The following RABL6 variants were observed in gnomAD, a reference collection of about 807,000 sequenced individuals.
The protein encoded by RABL6 is rab-like protein 6.
In RABL6, 28 loss-of-function variants were observed where a neutral mutation model predicts 72.9. That is an observed-to-expected ratio of 0.38 (90% confidence interval 0.28 to 0.53). The LOEUF (loss-of-function observed/expected upper bound fraction) is 0.53, where lower values mean the gene tolerates loss of function less well. RABL6 is among the 20% of genes least tolerant of loss of function. RABL6 has a pLI of 0.80. For synonymous variants in RABL6, 477 were observed against 421.2 expected (o/e 1.13, Z -1.62); for missense variants, 1,029 against 1,008.4 (o/e 1.02, Z -0.28).
chr9:136,808,343 G>T lies in RABL6; in HGVS notation c.130+17G>T. Reference sequence around the variant, plus strand: ...AGTACAACAGTGAGTGCGGCGGGCCGGGGGGGCGCGGGAGCGCCGCGCGGG... The same window carrying T: ...AGTACAACAGTGAGTGCGGCGGGCCTGGGGGGCGCGGGAGCGCCGCGCGGG... On this transcript the variant is annotated intron_variant, in intron 1 of 14. Transcript: ENST00000311502. 2 of 1,486,898 alleles carry T rather than the reference G, an allele frequency of 1.3e-6. No homozygotes were observed. The highest frequency in any genetic ancestry group is 8.9e-7 in the Non-Finnish European group (1 of 1,118,762). The allele number at this position is 1,486,898 out of a possible 1,614,324, so 92.1% of individuals were successfully genotyped here.
intron 1 of RABL6, chr9:136,812,780 A>T (rs376355947): frequency 1.1e-5 from 4 of 356,106 alleles, no homozygotes; most frequent in Middle Eastern, 8.9e-4. Context: ...AAGGGACAGA[A>T]GCCGTTCAAA....
chr9:136,831,569 A>G (rs1279898112), intron 5 of RABL6, among the ~76,000 whole-genome samples, 152 bp from the exon 6 acceptor site: 4 of 152,184 alleles, frequency 2.6e-5, no homozygotes, highest in Non-Finnish European at 2.9e-5. Context: ...ACTTCCCTCT[A>G]GCTCTGCATG....
In RABL6 at chr9:136,841,156, C is replaced by T. The variant is rs554279218; in HGVS notation, c.*634C>T. The T allele has an allele frequency of 2.6e-5, 22 of 844,992 alleles. No homozygotes were observed. The highest frequency in any genetic ancestry group is 2.1e-4 in the South Asian group (8 of 38,344). The allele number at this position is 844,992 out of a possible 1,614,324, so 52.3% of individuals were successfully genotyped here. A position where few individuals can be genotyped will look rare whatever the true frequency, so the allele number is the denominator to read the frequency against. On this transcript the variant is annotated 3_prime_UTR_variant, in exon 15 of 15. Transcript: ENST00000311502. Reference sequence around the variant, plus strand: ...GGAGGCACTCCTCCCAAACACTCCACTCAGACCATAAAGCACTCCTGTTTC... The same window carrying T: ...GGAGGCACTCCTCCCAAACACTCCATTCAGACCATAAAGCACTCCTGTTTC...
rs542781693 is a variant in RABL6, at chr9:136,821,285, G to C, written c.131-2240G>C. On this transcript the variant is annotated intron_variant, in intron 1 of 14. Transcript: ENST00000311502. ...TGGTTCTGGCCGCGGGAAAACGGGC[G>C]GTCGCTGTGACCGTCTCTGCGCTCT... The C allele has an allele frequency of 1.7e-4, 165 of 973,904 alleles. No homozygotes were observed. In the African/African-American group the frequency reaches 2.7e-3, roughly 16 times the overall value. 60.3% of individuals were successfully genotyped at this position (973,904 alleles called of 1,614,324 possible).
At chr9:136,836,100 A>G in intron 8 of RABL6, 4 of 417,026 alleles carry the variant, frequency 9.6e-6, no homozygotes, top group Admixed American at 4.0e-5. Flanking sequence ...GACCGTGGCC[A>G]GGTGCTGGTG....
rs1008657189 is a variant in RABL6 at position 136,840,403 on chromosome 9, C to T, written c.2071C>T (p.Arg691Trp). ...GGAGGGCAAGGAGGAGCGGCGACGG[C>T]GGCAGCAGCGGCCCCCGCGCAGCAG... The part of the protein sequence containing the change: ...KEEGKEERRR[R>W]QQRPPRSRER... The change falls in exon 15 of 15, where the codon CGG becomes TGG. Residue 691 changes from arginine (R) to tryptophan (W), a missense_variant. Physicochemically the swap from Arg to Trp is moderately radical, Grantham distance 101 (BLOSUM62 -3). Coordinates refer to ENST00000311502, the MANE Select transcript of RABL6 (RefSeq NM_024718.5). The T allele has an allele frequency of 9.7e-6, 15 of 1,550,732 alleles. No individual in the cohort carries two copies. The highest frequency in any genetic ancestry group is 4.1e-5 in the African/African-American group (3 of 73,162).
intron 1 of RABL6, among the ~76,000 whole-genome samples, chr9:136,818,110 T>C (rs1462206796): frequency 7.2e-6 from 1 of 138,604 alleles, no homozygotes; most frequent in African/African-American, 2.7e-5. Flanking sequence ...ACGCCTGTAA[T>C]CCCAGCACTT....
intron 8 of RABL6, 200 bp downstream of exon 8, chr9:136,836,045 A>G (rs1199190442): frequency 5.4e-6 from 3 of 559,760 alleles, no homozygotes; most frequent in Non-Finnish European, 9.6e-6. Context: ...CCTGGCGTGG[A>G]CTCCTCATAC....
Position 136,831,717 on chromosome 9 carries a change from C to T in RABL6, c.459-4C>T, listed in dbSNP as rs775142062. The T allele has an allele frequency of 2.6e-5, 42 of 1,612,958 alleles. No individual in the cohort carries two copies. The highest frequency in any genetic ancestry group is 1.3e-4 in the East Asian group (6 of 44,892). On this transcript the variant is annotated splice_region_variant and splice_polypyrimidine_tract_variant and intron_variant, in intron 5 of 14. Transcript: ENST00000311502. Reference sequence around the variant, plus strand: ...CTAAGCCAGGTCCTCACCTGTTCTCCGAGGACCTTCAATTACATTCTCCGG... The same window carrying T: ...CTAAGCCAGGTCCTCACCTGTTCTCTGAGGACCTTCAATTACATTCTCCGG...
At chr9:136,811,638 T>A (rs1387518099) in intron 1 of RABL6, among the ~76,000 whole-genome samples, 1 of 144,800 alleles carries the variant, frequency 6.9e-6, no homozygotes, top group Non-Finnish European at 1.5e-5. Flanking sequence ...AAAAAAACAA[T>A]TGCACCACCA....
At chr9:136,832,600 G>T in intron 7 of RABL6, 1 of 593,002 alleles carries the variant, frequency 1.7e-6, no homozygotes, top group Non-Finnish European at 3.1e-6. Flanking sequence ...CACCTCTGCG[G>T]GGACCCCTTG....
At chr9:136,821,690 G>A (rs925552023) in intron 1 of RABL6, 2 of 1,009,726 alleles carry the variant, frequency 2.0e-6, no homozygotes, top group East Asian at 1.1e-4. Context: ...GCTCCCTCCT[G>A]GCTGCGCTGA....
intron 8 of RABL6, chr9:136,836,654 A>C (rs540318962): frequency 6.4e-6 from 1 of 156,070 alleles, no homozygotes; most frequent in South Asian, 1.9e-4. Flanking sequence ...TGGGCCTGAG[A>C]GTTGGGTCAG....
At position 136,825,832 on chromosome 9, in the gene RABL6, G is replaced by T; in HGVS notation, c.313+6G>T. 1.2e-6 allele frequency: 2 copies of T among 1,610,642 alleles called. No individual in the cohort carries two copies. Among genetic ancestry groups the T allele is most frequent in the Non-Finnish European group, 1.7e-6 (2 of 1,176,884 alleles). ...CTGGGATGTAGTAGACAAAGGTGAGGCGTCTCTGTTCTGTGTCTGCTTCTC... is the reference window on the plus strand; with the variant it reads ...CTGGGATGTAGTAGACAAAGGTGAGTCGTCTCTGTTCTGTGTCTGCTTCTC... On this transcript the variant is annotated splice_donor_region_variant and intron_variant, in intron 3 of 14. Transcript: ENST00000311502.
At chr9:136,828,335 C>A in intron 3 of RABL6, 159 bp from the exon 4 acceptor site, 1 of 692,532 alleles carries the variant, frequency 1.4e-6, no homozygotes, top group Non-Finnish European at 2.5e-6. Context: ...GGTCCTGCTG[C>A]TCCAGAGCTT....
chr9:136,808,206 G>A lies in RABL6; in HGVS notation c.10G>A (p.Ala4Thr). The part of the protein sequence containing the change: MFS[A>T]LKKLVGSDQA... ...ACGTCCGAGCGGGAAGATGTTTTCC[G>A]CCCTGAAGAAGCTGGTGGGGTCGGA... is the stretch of plus-strand genomic sequence containing the variant. The change falls in exon 1 of 15, where the codon GCC becomes ACC. Residue 4 changes from alanine (A) to threonine (T), a missense_variant. Transcript: ENST00000311502. 1 of 1,539,148 alleles carries A rather than the reference G, an allele frequency of 6.5e-7. No individual in the cohort carries two copies. Among genetic ancestry groups the A allele is most frequent in the Non-Finnish European group, 8.7e-7 (1 of 1,144,848 alleles).
At chr9:136,834,330 C>G (rs1261184546) in intron 7 of RABL6, 1 of 1,007,942 alleles carries the variant, frequency 9.9e-7, no homozygotes, top group Non-Finnish European at 1.2e-6. Context: ...AAATAAAATT[C>G]CCAAAGAGTT....
At chr9:136,830,698 A>C (rs1282863175) in intron 5 of RABL6, among the ~76,000 whole-genome samples, 1 of 152,244 alleles carries the variant, frequency 6.6e-6, no homozygotes, top group Non-Finnish European at 1.5e-5. Context: ...AACGGCCTGG[A>C]GGGAGCTGCA....
In RABL6 at chr9:136,840,556, G is replaced by C. The variant is rs764846217; in HGVS notation, c.*34G>C. ...GGGCAGTGGCCGCCCTGGGGCGGGGGGCGTGCCTGTCACTGCCTGGGGAGG... is the reference window on the plus strand; with the variant it reads ...GGGCAGTGGCCGCCCTGGGGCGGGGCGCGTGCCTGTCACTGCCTGGGGAGG... On this transcript the variant is annotated 3_prime_UTR_variant, in exon 15 of 15. Coordinates refer to ENST00000311502, the MANE Select transcript of RABL6 (RefSeq NM_024718.5). 7.1e-6 allele frequency: 11 copies of C among 1,547,088 alleles called. No individual in the cohort carries two copies. The highest frequency in any genetic ancestry group is 8.7e-6 in the Non-Finnish European group (10 of 1,146,326).
Sources: allele counts gnomAD v4.1 joint callset (sites outside exome capture counted in the v4.1 genomes callset), GRCh38; gene constraint gnomAD v4.1.1; transcripts MANE v1.5; gene names NCBI Gene and HGNC (gene_info 2026-07-23, HGNC 2026-07-21).